The following AP2B1 variants were observed in gnomAD, a reference collection of about 807,000 sequenced individuals.
AP2B1 encodes the protein AP-2 complex subunit beta.
AP2B1 carries 23 observed loss-of-function variants against 102.0 expected under a neutral mutation model. The observed-to-expected ratio is 0.23, with a 90% CI of 0.16 to 0.32. The LOEUF (loss-of-function observed/expected upper bound fraction) is 0.32. AP2B1 is among the 10% of genes least tolerant of loss of function. The pLI is 1.00. For missense variants in AP2B1, 541 were observed against 1,157.4 expected (o/e 0.47, Z 7.73); for synonymous variants, 381 against 421.2 (o/e 0.90, Z 1.17).
rs114303899 is a variant in AP2B1, at chr17:35,658,503, G to A, written c.1989+712G>A. Among the ~76,000 whole-genome samples, 1,215 of 152,130 alleles carry A rather than the reference G, an allele frequency of 8.0e-3. 20 individuals carry two copies. Among genetic ancestry groups the A allele is most frequent in the African/African-American group, 0.028 (1,167 of 41,490 alleles). On this transcript the variant is annotated intron_variant, in intron 14 of 21. Coordinates refer to ENST00000610402, the MANE Select transcript of AP2B1 (RefSeq NM_001030006.2). ...TTTTTTGTTTCTGTACAAGATAAAT[G>A]AATTTTAAGGGTGACCATCAATCTA...
At chr17:35,591,874 A>G (rs906754552) in intron 1 of AP2B1, among the ~76,000 whole-genome samples, 1 of 152,246 alleles carries the variant, frequency 6.6e-6, no homozygotes, top group Admixed American at 6.5e-5. Flanking sequence ...TTTAATTATA[A>G]CAAGTATTAA....
intron 1 of AP2B1, among the ~76,000 whole-genome samples, chr17:35,591,393 G>A (rs1422883962): frequency 1.3e-5 from 2 of 151,910 alleles, no homozygotes; most frequent in East Asian, 1.9e-4. Context: ...GACTGGTCTC[G>A]ATCTCCTGAG....
chr17:35,720,573 ATTTTTTTTTTTTTTT>A lies in AP2B1; in HGVS notation c.2782-3039_2782-3025del, dbSNP rs1208973388. On this transcript the variant is annotated intron_variant, in intron 21 of 21. Coordinates refer to ENST00000610402, the MANE Select transcript of AP2B1 (RefSeq NM_001030006.2). ...TATATATATATATATATATATATAT[ATTTTTTTTTTTTTTT>A]TTTTTTTTTTTTAATATAGAGATAG... 2.1e-4 allele frequency among the ~76,000 whole-genome samples: 6 copies of A among 28,064 alleles called. 2 individuals carry two copies. The Admixed American group carries it at 3.0e-3, about 14-fold the overall frequency. The allele number at this position is 28,064 out of a possible 152,430, so 18.4% of individuals were successfully genotyped here. A position where few individuals can be genotyped will look rare whatever the true frequency, so the allele number is the denominator to read the frequency against.
intron 17 of AP2B1, among the ~76,000 whole-genome samples, chr17:35,680,686 G>GTTTTTTTTTTTTT (rs1167550201): frequency 1.7e-4 from 10 of 59,926 alleles, no homozygotes; most frequent in South Asian, 8.7e-4. Context: ...TATGGTTTTG[G>GTTTTTTTTTTTTT]TTTTTTTTTT....
chr17:35,669,813 A>G (rs988016338), intron 14 of AP2B1, among the ~76,000 whole-genome samples: 1 of 152,230 alleles, frequency 6.6e-6, no homozygotes, highest in Non-Finnish European at 1.5e-5. Context: ...AATGACTATA[A>G]AGGAGAATGT....
chr17:35,694,435 A>ATTTTTTTTTT (rs2076101194), intron 18 of AP2B1, among the ~76,000 whole-genome samples: 1 of 79,996 alleles, frequency 1.3e-5, no homozygotes, highest in Non-Finnish European at 2.7e-5. Flanking sequence ...TAATTTTTTA[A>ATTTTTTTTTT]TTTTTTGTAG....
intron 7 of AP2B1, among the ~76,000 whole-genome samples, chr17:35,627,090 C>T (rs1426067795): frequency 6.6e-6 from 1 of 152,050 alleles, no homozygotes; most frequent in African/African-American, 2.4e-5. Context: ...GATATACTGT[C>T]TAGTGCCTGG....
chr17:35,641,925 C>G lies in AP2B1; in HGVS notation c.1486C>G (p.Pro496Ala). The G allele has an allele frequency of 6.2e-7, 1 of 1,612,574 alleles. No individual in the cohort carries two copies. Among genetic ancestry groups the G allele is most frequent in the Non-Finnish European group, 8.5e-7 (1 of 1,178,818 alleles). ...CATAGTGAAGCTGTTTCTCAAGAAA[C>G]CATCAGAAACACAGGAGCTAGTCCA... Reference protein sequence around the residue: ...TAIVKLFLKKPSETQELVQQV... With the variant: ...TAIVKLFLKKASETQELVQQV... Residue 496 changes from proline to alanine, a missense_variant, in exon 12 of 22, where the codon CCA (proline) becomes GCA (alanine). Coordinates refer to ENST00000610402, the MANE Select transcript of AP2B1 (RefSeq NM_001030006.2).
chr17:35,656,190 T>C (rs959046948), intron 13 of AP2B1, among the ~76,000 whole-genome samples: 5 of 152,232 alleles, frequency 3.3e-5, no homozygotes, highest in African/African-American at 1.2e-4. Flanking sequence ...ATAAAGATGC[T>C]ACTCTAGGTT....
chr17:35,680,700 G>GTTTTTTTTTTTTTTTTTTTT (rs1176447688), intron 17 of AP2B1, among the ~76,000 whole-genome samples: 1 of 128,920 alleles, frequency 7.8e-6, no homozygotes, highest in Non-Finnish European at 1.6e-5. Flanking sequence ...TTTTTTTTTT[G>GTTTTTTTTTTTTTTTTTTTT]TTTTTTTTTT....
At chr17:35,615,318 A>T (rs1437463192) in intron 5 of AP2B1, among the ~76,000 whole-genome samples, 5 of 152,236 alleles carry the variant, frequency 3.3e-5, no homozygotes, top group Non-Finnish European at 5.9e-5. Context: ...TGTATTTAAA[A>T]TTTTAAACTT....
chr17:35,605,616 A>C, intron 3 of AP2B1, 89 bp from the exon 4 acceptor site: 2 of 866,372 alleles, frequency 2.3e-6, no homozygotes, highest in Non-Finnish European at 3.7e-6. Flanking sequence ...GCATCAAATC[A>C]CTGTTAGTTA....
intron 14 of AP2B1, among the ~76,000 whole-genome samples, chr17:35,663,457 T>C (rs563406680): frequency 3.3e-5 from 5 of 152,332 alleles, no homozygotes; most frequent in Non-Finnish European, 5.9e-5. Context: ...ACCCAGGGCT[T>C]CTTTAAAACT....
chr17:35,611,687 G>A (rs2073870592), intron 5 of AP2B1, among the ~76,000 whole-genome samples: 1 of 152,086 alleles, frequency 6.6e-6, no homozygotes, highest in African/African-American at 2.4e-5. Flanking sequence ...GTTTTTTATT[G>A]TGGGAATCTT....
At chr17:35,658,539 G>T (rs1007984169) in intron 14 of AP2B1, among the ~76,000 whole-genome samples, 1 of 152,058 alleles carries the variant, frequency 6.6e-6, no homozygotes, top group African/African-American at 2.4e-5. Flanking sequence ...TGAAGAGAAG[G>T]CCAGAAAAAT....
chr17:35,609,330 T>TG (rs1398408300), intron 5 of AP2B1, among the ~76,000 whole-genome samples: 3 of 148,082 alleles, frequency 2.0e-5, no homozygotes, highest in Non-Finnish European at 4.4e-5. Context: ...TGCAGGCACA[T>TG]GCCACCACAT....
intron 3 of AP2B1, among the ~76,000 whole-genome samples, chr17:35,605,240 C>CT (rs138677421): frequency 2.5e-4 from 13 of 52,066 alleles, no homozygotes; most frequent in East Asian, 6.9e-4. Context: ...CTTTTCTTTT[C>CT]TTTTTTTTTT....
At chr17:35,624,658 A>C (rs1482286103) in intron 6 of AP2B1, 71 bp downstream of exon 6, 1 of 1,442,952 alleles carries the variant, frequency 6.9e-7, no homozygotes, top group Non-Finnish European at 9.4e-7. Flanking sequence ...CTGCTATTAG[A>C]ATAAATCTGT....
chr17:35,702,391 A>G (rs749219925), intron 18 of AP2B1, among the ~76,000 whole-genome samples: 5 of 152,212 alleles, frequency 3.3e-5, no homozygotes, highest in Non-Finnish European at 7.3e-5. Context: ...AGAAACAGCA[A>G]ATGCAAAAAG....
Sources: allele counts gnomAD v4.1 joint callset (sites outside exome capture counted in the v4.1 genomes callset), GRCh38; gene constraint gnomAD v4.1.1; transcripts MANE v1.5; gene names NCBI Gene and HGNC (gene_info 2026-07-23, HGNC 2026-07-21).